Variants in SGCZ observed in about 807,000 individuals in gnomAD.
The protein encoded by SGCZ is sarcoglycan zeta.
A neutral mutation model predicts 41.3 loss-of-function variants in SGCZ; 40 were observed. That is an observed-to-expected ratio of 0.97 (90% CI 0.75 to 1.26). The LOEUF is 1.26. SGCZ is among the 50% of genes most tolerant of loss of function. The pLI, the probability that SGCZ is intolerant of heterozygous loss-of-function variation, is 0.00. For synonymous variants in SGCZ, 206 were observed against 137.5 expected (o/e 1.50, Z -3.49); for missense variants, 552 against 369.8 (o/e 1.49, Z -4.04).
intron 1 of SGCZ, among the ~76,000 whole-genome samples, chr8:14,961,216 C>A (rs899143864): frequency 5.9e-5 from 9 of 151,986 alleles, no homozygotes; most frequent in African/African-American, 2.2e-4. Context: ...TTCTTTTTAT[C>A]AATATTTTTA....
At chr8:14,105,829 T>C (rs1802185538) in intron 6 of SGCZ, among the ~76,000 whole-genome samples, 2 of 152,176 alleles carry the variant, frequency 1.3e-5, no homozygotes, top group Non-Finnish European at 2.9e-5. Context: ...AGTTGGTTCT[T>C]ATTCCTCTTT....
At chr8:14,958,023 G>T (rs1437116195) in intron 1 of SGCZ, among the ~76,000 whole-genome samples, 2 of 151,978 alleles carry the variant, frequency 1.3e-5, no homozygotes, top group East Asian at 3.9e-4. Context: ...ACACTAAAAA[G>T]TCACAAAAGT....
intron 5 of SGCZ, among the ~76,000 whole-genome samples, chr8:14,159,446 C>A (rs572139951): frequency 6.6e-6 from 1 of 152,190 alleles, no homozygotes; most frequent in South Asian, 2.1e-4. Flanking sequence ...GTGAAGATGG[C>A]ATTCTTTATT....
chr8:14,212,522 T>C (rs1805852633), intron 4 of SGCZ, among the ~76,000 whole-genome samples: 1 of 145,690 alleles, frequency 6.9e-6, no homozygotes, highest in African/African-American at 2.5e-5. Flanking sequence ...AAAAAGTTGT[T>C]AGAACATCAT....
intron 1 of SGCZ, among the ~76,000 whole-genome samples, chr8:14,832,884 G>T (rs149488841): frequency 3.9e-4 from 60 of 151,950 alleles, no homozygotes; most frequent in African/African-American, 1.4e-3. Context: ...TAATAGGTAG[G>T]TTTTTTTAAC....
chr8:14,879,971 G>C (rs945679398), intron 1 of SGCZ, among the ~76,000 whole-genome samples: 1 of 151,940 alleles, frequency 6.6e-6, no homozygotes, highest in Non-Finnish European at 1.5e-5. Context: ...CTCCCAAGTA[G>C]CTGGGACTAC....
intron 1 of SGCZ, among the ~76,000 whole-genome samples, chr8:14,991,054 C>A (rs948449519): frequency 6.6e-6 from 1 of 152,078 alleles, no homozygotes; most frequent in African/African-American, 2.4e-5. Flanking sequence ...AAATACTGAT[C>A]ATTAAAAATT....
At chr8:15,063,028 T>G (rs1804995038) in intron 1 of SGCZ, among the ~76,000 whole-genome samples, 1 of 152,058 alleles carries the variant, frequency 6.6e-6, no homozygotes, top group African/African-American at 2.4e-5. Flanking sequence ...TGAAGCCATT[T>G]AATATATTTC....
intron 4 of SGCZ, among the ~76,000 whole-genome samples, chr8:14,195,001 A>G (rs1272548236): frequency 2.0e-5 from 3 of 152,114 alleles, no homozygotes; most frequent in Non-Finnish European, 4.4e-5. Context: ...AAATAAGTTT[A>G]AGAATATTTA....
intron 1 of SGCZ, among the ~76,000 whole-genome samples, chr8:14,602,949 T>G (rs1008267425): frequency 4.6e-5 from 7 of 152,114 alleles, no homozygotes; most frequent in African/African-American, 1.7e-4. Flanking sequence ...CACAGGGTAT[T>G]GGGAAATCAT....
rs540564827 is a variant in SGCZ at position 14,430,796 on chromosome 8, C to T, written c.235-106592G>A. On this transcript the variant is annotated intron_variant, in intron 2 of 7. Coordinates refer to ENST00000382080, the MANE Select transcript of SGCZ (RefSeq NM_139167.4). ...AATATCATTGTTTATCTAGAAAACCCCAAAGACTCCTCCGTAAAGCTCCTA... is the reference window on the plus strand; with the variant it reads ...AATATCATTGTTTATCTAGAAAACCTCAAAGACTCCTCCGTAAAGCTCCTA... Among the ~76,000 whole-genome samples the T allele has an allele frequency of 7.2e-5, 11 of 152,032 alleles. No homozygotes were observed. In the East Asian group the frequency reaches 1.9e-3, roughly 27 times the overall value.
intron 2 of SGCZ, among the ~76,000 whole-genome samples, chr8:14,415,077 G>GT (rs537644121): frequency 1.4e-3 from 215 of 151,692 alleles, no homozygotes; most frequent in African/African-American, 4.9e-3. Flanking sequence ...ATGGGAGAGT[G>GT]TTTTTACAAT....
intron 4 of SGCZ, among the ~76,000 whole-genome samples, chr8:14,169,664 G>C (rs527242563): frequency 4.6e-5 from 7 of 152,228 alleles, no homozygotes; most frequent in African/African-American, 1.7e-4. Context: ...TCTTTCGCTA[G>C]TAATTGTCCA....
At chr8:14,479,333 C>T (rs574588081) in intron 2 of SGCZ, among the ~76,000 whole-genome samples, 4 of 152,228 alleles carry the variant, frequency 2.6e-5, no homozygotes, top group Admixed American at 2.6e-4. Context: ...AATAGAGGCC[C>T]GGAGACTCAG....
At chr8:14,674,639 G>A (rs1282231853) in intron 1 of SGCZ, among the ~76,000 whole-genome samples, 3 of 152,072 alleles carry the variant, frequency 2.0e-5, no homozygotes, top group African/African-American at 4.8e-5. Flanking sequence ...AATGTTTGAC[G>A]TGGGACCTGG....
intron 3 of SGCZ, among the ~76,000 whole-genome samples, chr8:14,252,173 T>G (rs1799312459): frequency 6.6e-6 from 1 of 152,164 alleles, no homozygotes; most frequent in African/African-American, 2.4e-5. Context: ...CTCTTATCTT[T>G]CCCATCTCCC....
chr8:14,116,125 A>G (rs1044658233), intron 5 of SGCZ, among the ~76,000 whole-genome samples: 6 of 152,084 alleles, frequency 3.9e-5, no homozygotes, highest in African/African-American at 1.4e-4. Flanking sequence ...GATGGTACAT[A>G]ATTGTCTTTG....
chr8:14,601,546 G>A lies in SGCZ; in HGVS notation c.40-46620C>T, dbSNP rs140955279. Among the ~76,000 whole-genome samples, 482 of 152,238 alleles carry A rather than the reference G, an allele frequency of 3.2e-3. 1 individual carries two copies. The highest frequency in any genetic ancestry group is 9.1e-3 in the African/African-American group (379 of 41,550). ...TATGTGTTTTATATGTTCGGAGACA[G>A]GAGCTGATTTTCTTCCCTGAACCTG... On this transcript the variant is annotated intron_variant, in intron 1 of 7. Transcript: ENST00000382080.
At chr8:14,493,253 C>T (rs1469249141) in intron 2 of SGCZ, among the ~76,000 whole-genome samples, 1 of 151,800 alleles carries the variant, frequency 6.6e-6, no homozygotes, top group African/African-American at 2.4e-5. Context: ...CATGAACCTC[C>T]TCAATCTGAA....
Sources: allele counts gnomAD v4.1 joint callset (sites outside exome capture counted in the v4.1 genomes callset), GRCh38; gene constraint gnomAD v4.1.1; transcripts MANE v1.5; gene names NCBI Gene and HGNC (gene_info 2026-07-23, HGNC 2026-07-21).